Variants in RASAL2 observed in about 807,000 individuals in gnomAD.
RASAL2 encodes RAS protein activator like 2, also known as ras GTPase-activating protein nGAP.
RASAL2 carries 58 observed loss-of-function variants against 128.9 expected under a neutral mutation model. The ratio of observed to expected loss-of-function variants is 0.45; its 90% confidence interval spans 0.36 to 0.56. The LOEUF (loss-of-function observed/expected upper bound fraction) is 0.56, where lower values mean the gene tolerates loss of function less well. RASAL2 is among the 20% of genes least tolerant of loss of function. The pLI is 0.00. For missense variants in RASAL2, 1,360 were observed against 1,601.6 expected (o/e 0.85, Z 2.57); for synonymous variants, 561 against 580.8 (o/e 0.97, Z 0.49).
At chr1:178,356,747 G>A (rs1276232847) in intron 3 of RASAL2, among the ~76,000 whole-genome samples, 4 of 152,172 alleles carry the variant, frequency 2.6e-5, no homozygotes, top group African/African-American at 9.7e-5. Flanking sequence ...TCAGGATGGA[G>A]TATTTGGGGA....
intron 3 of RASAL2, among the ~76,000 whole-genome samples, chr1:178,387,349 T>C (rs1444074312): frequency 2.6e-5 from 4 of 151,822 alleles, no homozygotes; most frequent in Admixed American, 6.6e-5. Flanking sequence ...TTTTTTCCCA[T>C]AATACAGAAA....
intron 3 of RASAL2, among the ~76,000 whole-genome samples, chr1:178,328,487 A>G (rs1189028860): frequency 6.6e-6 from 1 of 152,154 alleles, no homozygotes; most frequent in African/African-American, 2.4e-5. Flanking sequence ...CAAATATTAG[A>G]TCTTACTTAT....
At chr1:178,343,903 T>G (rs886616124) in intron 3 of RASAL2, among the ~76,000 whole-genome samples, 1 of 152,150 alleles carries the variant, frequency 6.6e-6, no homozygotes, top group Non-Finnish European at 1.5e-5. Flanking sequence ...GGGATTCATT[T>G]GATAATTTAA....
intron 1 of RASAL2, among the ~76,000 whole-genome samples, chr1:178,217,987 A>G (rs1262356320): frequency 6.6e-6 from 1 of 152,200 alleles, no homozygotes; most frequent in Non-Finnish European, 1.5e-5. Flanking sequence ...ATAAACTTCT[A>G]TCTCAAGATG....
At chr1:178,145,679 G>A (rs1660710161) in intron 1 of RASAL2, among the ~76,000 whole-genome samples, 1 of 152,178 alleles carries the variant, frequency 6.6e-6, no homozygotes, top group Middle Eastern at 3.4e-3. Flanking sequence ...AGGTAGGAAC[G>A]GGTAGTCATT....
At chr1:178,269,167 C>T (rs1666124243) in intron 1 of RASAL2, among the ~76,000 whole-genome samples, 2 of 152,202 alleles carry the variant, frequency 1.3e-5, no homozygotes, top group African/African-American at 2.4e-5. Context: ...AGTGATCTCT[C>T]TTCCCCATGT....
intron 1 of RASAL2, among the ~76,000 whole-genome samples, chr1:178,130,005 G>A (rs905027695): frequency 6.6e-6 from 1 of 152,154 alleles, no homozygotes; most frequent in African/African-American, 2.4e-5. Context: ...ATAAGTGTTA[G>A]TATTACAGAG....
intron 3 of RASAL2, 66 bp from the exon 4 acceptor site, chr1:178,390,034 C>T (rs1391266960): frequency 1.0e-6 from 1 of 972,988 alleles, no homozygotes; most frequent in Non-Finnish European, 1.6e-6. Context: ...AGTAACTTTA[C>T]AGTTCAGTGG....
rs1648568356 is a variant in RASAL2, at chr1:178,474,919, A to G, written c.*1680A>G. 1 of 152,098 alleles carries G rather than the reference A, an allele frequency of 6.6e-6. No individual in the cohort carries two copies. The highest frequency in any genetic ancestry group is 2.4e-5 in the African/African-American group (1 of 41,428). The allele number at this position is 152,098 out of a possible 1,614,324, so 9.4% of individuals were successfully genotyped here. On this transcript the variant is annotated 3_prime_UTR_variant, in exon 18 of 18. Coordinates refer to ENST00000367649, the MANE Select transcript of RASAL2 (RefSeq NM_170692.4). ...TTTTTTTCTAGAAAAAGGGGATGGA[A>G]AAAAAAGGACCTGAGGGAGCCATAT...
At chr1:178,175,829 T>A (rs1012161265) in intron 1 of RASAL2, among the ~76,000 whole-genome samples, 4 of 152,170 alleles carry the variant, frequency 2.6e-5, no homozygotes, top group Non-Finnish European at 4.4e-5. Context: ...TAACTTTACT[T>A]AAAATAATTT....
intron 14 of RASAL2, among the ~76,000 whole-genome samples, chr1:178,459,492 A>C (rs917505623): frequency 6.6e-6 from 1 of 152,176 alleles, no homozygotes; most frequent in Non-Finnish European, 1.5e-5. Flanking sequence ...TTCTATGACA[A>C]ATCCTTTTAT....
intron 1 of RASAL2, among the ~76,000 whole-genome samples, chr1:178,098,123 A>C (rs1246220745): frequency 6.6e-6 from 1 of 152,160 alleles, no homozygotes; most frequent in Admixed American, 6.5e-5. Flanking sequence ...CAAGACTATA[A>C]AATTTTTGAT....
At chr1:178,152,995 CTAT>C (rs1204864576) in intron 1 of RASAL2, among the ~76,000 whole-genome samples, 1 of 152,086 alleles carries the variant, frequency 6.6e-6, no homozygotes, top group East Asian at 1.9e-4. Flanking sequence ...TTTATTTCCC[CTAT>C]TGTCTTACAG....
intron 1 of RASAL2, among the ~76,000 whole-genome samples, chr1:178,204,336 G>A (rs575785213): frequency 6.6e-6 from 1 of 152,262 alleles, no homozygotes; most frequent in Admixed American, 6.5e-5. Flanking sequence ...GGTTGACAAG[G>A]GGTGGACTTG....
At chr1:178,376,109 G>A (rs536707385) in intron 3 of RASAL2, among the ~76,000 whole-genome samples, 26 of 152,152 alleles carry the variant, frequency 1.7e-4, no homozygotes, top group Admixed American at 8.5e-4. Flanking sequence ...AAGCCAGGAT[G>A]GTGTGGTATT....
intron 3 of RASAL2, among the ~76,000 whole-genome samples, chr1:178,319,292 G>C (rs528801522): frequency 7.9e-5 from 12 of 152,038 alleles, no homozygotes; most frequent in Admixed American, 5.2e-4. Context: ...TCTTCTCGAG[G>C]AGTATCTTTA....
At chr1:178,288,870 C>T (rs1571787231) in intron 2 of RASAL2, among the ~76,000 whole-genome samples, 1 of 151,828 alleles carries the variant, frequency 6.6e-6, no homozygotes, top group Non-Finnish European at 1.5e-5. Flanking sequence ...AGGCTGGACT[C>T]GAACTCCTCA....
At chr1:178,167,342 T>C (rs1201994540) in intron 1 of RASAL2, among the ~76,000 whole-genome samples, 2 of 152,156 alleles carry the variant, frequency 1.3e-5, no homozygotes, top group Non-Finnish European at 1.5e-5. Context: ...TTACTTGTCT[T>C]ATTTGTTGAT....
intron 3 of RASAL2, among the ~76,000 whole-genome samples, chr1:178,368,972 A>G (rs1372389025): frequency 6.6e-6 from 1 of 151,836 alleles, no homozygotes; most frequent in African/African-American, 2.4e-5. Flanking sequence ...GATGCTCTTG[A>G]CTCACATTTT....
Sources: gnomAD v4.1 joint callset for allele counts (sites outside exome capture counted in the v4.1 genomes callset) on GRCh38, gnomAD v4.1.1 for gene constraint, MANE v1.5 for transcripts, NCBI Gene and HGNC (gene_info 2026-07-23, HGNC 2026-07-21) for gene names.